CECR2: variants seen among roughly 807,000 people sequenced by gnomAD.
CECR2 encodes CECR2 histone acetyl-lysine reader.
A neutral mutation model predicts 154.5 loss-of-function variants in CECR2; 30 were observed. That is an observed-to-expected ratio of 0.19 (90% confidence interval 0.15 to 0.26). The LOEUF is 0.26. CECR2 is among the 10% of genes least tolerant of loss of function. The pLI is 1.00. For synonymous variants in CECR2, 725 were observed against 683.7 expected (o/e 1.06, Z -0.94); for missense variants, 1,743 against 1,829.3 (o/e 0.95, Z 0.86).
At chr22:17,361,343 C>T (rs2062976167) in intron 1 of CECR2, among the ~76,000 whole-genome samples, 1 of 151,974 alleles carries the variant, frequency 6.6e-6, no homozygotes, top group Non-Finnish European at 1.5e-5. Context: ...AAAAATTAGC[C>T]GGGCTGGTGG....
intron 1 of CECR2, among the ~76,000 whole-genome samples, chr22:17,372,654 C>G (rs1038062676): frequency 2.0e-5 from 3 of 151,878 alleles, no homozygotes; most frequent in Non-Finnish European, 4.4e-5. Flanking sequence ...GGCGACAGGG[C>G]GAGACTCTGT....
At chr22:17,434,663 G>A (rs186469396) in intron 1 of CECR2, among the ~76,000 whole-genome samples, 228 of 138,512 alleles carry the variant, frequency 1.6e-3, no homozygotes, top group Non-Finnish European at 2.7e-3. Context: ...GCTGCTCCCC[G>A]TAGCTAAGCT....
intron 2 of CECR2, among the ~76,000 whole-genome samples, chr22:17,490,143 T>TGTGTGTG (rs1555917174): frequency 4.1e-4 from 49 of 119,412 alleles, no homozygotes; most frequent in African/African-American, 1.6e-3. Flanking sequence ...TTACTGTTTT[T>TGTGTGTG]TTTTTGTGTG....
chr22:17,490,147 T>G (rs5747202), intron 2 of CECR2, among the ~76,000 whole-genome samples: 12,699 of 149,734 alleles, frequency 0.085, 964 homozygotes, highest in African/African-American at 0.2. Flanking sequence ...TGTTTTTTTT[T>G]TGTGTGTGTG....
At chr22:17,369,197 T>C (rs1336422548), upstream of CECR2, among the ~76,000 whole-genome samples, 3 of 151,106 alleles carry the variant, frequency 2.0e-5, no homozygotes, top group Non-Finnish European at 3.0e-5. Flanking sequence ...CTTGGGAAAG[T>C]GCTTCAACTC....
At chr22:17,431,659 A>G (rs1981534) in intron 1 of CECR2, among the ~76,000 whole-genome samples, 79,269 of 151,954 alleles carry the variant, frequency 0.52, 21,088 homozygotes, top group African/African-American at 0.62. Flanking sequence ...TTGAATTTAT[A>G]TTTTGAACAG....
At chr22:17,413,241 TG>T (rs1378874936) in intron 1 of CECR2, among the ~76,000 whole-genome samples, 2 of 152,210 alleles carry the variant, frequency 1.3e-5, no homozygotes, top group Non-Finnish European at 2.9e-5. Flanking sequence ...AGCAGGTTGA[TG>T]GTTCTAACCT....
chr22:17,387,314 A>G (rs186803220), intron 1 of CECR2, among the ~76,000 whole-genome samples: 24 of 152,310 alleles, frequency 1.6e-4, no homozygotes, highest in Admixed American at 9.1e-4. Context: ...AGTAATCTAT[A>G]ACACATCTCG....
Position 17,552,687 on chromosome 22 carries a change from T to G in CECR2, c.4390-148T>G, listed in dbSNP as rs927865342. 4.0e-6 allele frequency: 3 copies of G among 748,092 alleles called. No individual in the cohort carries two copies. The African/African-American group carries it at 5.4e-5, about 13-fold the overall frequency. 46.3% of individuals were successfully genotyped at this position (748,092 alleles called of 1,614,324 possible). A position where few individuals can be genotyped will look rare whatever the true frequency, so the allele number is the denominator to read the frequency against. On this transcript the variant is annotated intron_variant, in intron 18 of 18. Coordinates refer to ENST00000262608, the MANE Select transcript of CECR2 (RefSeq NM_001290047.2). ...TTGAGAAGTCCAGGACTCTAGAACC[T>G]ACCCTCTGGAAGTAAACTGTAACTG... is the stretch of plus-strand genomic sequence containing the variant.
chr22:17,399,424 T>G (rs1304401530), intron 1 of CECR2, among the ~76,000 whole-genome samples: 1 of 151,002 alleles, frequency 6.6e-6, no homozygotes, highest in African/African-American at 2.4e-5. Context: ...TGATTTTTTT[T>G]TTTTTTTTTT....
At chr22:17,383,999 T>C (rs901424958) in intron 1 of CECR2, among the ~76,000 whole-genome samples, 3 of 152,136 alleles carry the variant, frequency 2.0e-5, no homozygotes, top group Non-Finnish European at 2.9e-5. Flanking sequence ...TCTATTTCTT[T>C]TGCTGTATCT....
Position 17,371,533 on chromosome 22 carries a change from A to G in CECR2, c.126+1624A>G, listed in dbSNP as rs561359883. ...GGAAGCTAAAGAGTTGGGAATCCTA[A>G]AGGTCAAAGGATGTTTCTCAGTTAC... is the stretch of plus-strand genomic sequence containing the variant. On this transcript the variant is annotated intron_variant, in intron 1 of 18. Transcript: ENST00000262608. Among the ~76,000 whole-genome samples the G allele has an allele frequency of 7.1e-4, 108 of 152,338 alleles. 2 individuals carry two copies. In the South Asian group the frequency reaches 0.022, roughly 31 times the overall value.
At chr22:17,365,585 A>G (rs1368605411), upstream of CECR2, among the ~76,000 whole-genome samples, 1 of 152,044 alleles carries the variant, frequency 6.6e-6, no homozygotes, top group African/African-American at 2.4e-5. Flanking sequence ...ACACCCAGCT[A>G]CTCGGGAGGC....
intron 13 of CECR2, among the ~76,000 whole-genome samples, chr22:17,539,529 G>A (rs535566063): frequency 1.3e-5 from 2 of 152,260 alleles, no homozygotes; most frequent in South Asian, 4.1e-4. Flanking sequence ...GGGGAAGAGG[G>A]GAGGGATAGC....
intron 1 of CECR2, among the ~76,000 whole-genome samples, chr22:17,426,929 A>G (rs1324471629): frequency 2.0e-5 from 3 of 151,842 alleles, no homozygotes; most frequent in Non-Finnish European, 4.4e-5. Flanking sequence ...GGTTTGTTAT[A>G]TAGGTATACA....
intron 8 of CECR2, among the ~76,000 whole-genome samples, chr22:17,519,991 ATGT>A (rs2056128718): frequency 1.3e-5 from 2 of 151,820 alleles, no homozygotes; most frequent in Admixed American, 1.3e-4. Flanking sequence ...GAGTTTCACC[ATGT>A]TTACCAGGAT....
At chr22:17,467,216 C>T (rs535513426) in intron 1 of CECR2, among the ~76,000 whole-genome samples, 1 of 152,320 alleles carries the variant, frequency 6.6e-6, no homozygotes, top group South Asian at 2.1e-4. Context: ...TTGACCAGAA[C>T]ATTTTCATAA....
At chr22:17,481,342 CAAAAAAAA>C (rs10714119) in intron 2 of CECR2, among the ~76,000 whole-genome samples, 4 of 73,780 alleles carry the variant, frequency 5.4e-5, no homozygotes, top group Admixed American at 3.0e-4. Context: ...GACTCTGTCT[CAAAAAAAA>C]AAAAAAAAAA....
intron 1 of CECR2, among the ~76,000 whole-genome samples, chr22:17,408,301 G>A (rs545739654): frequency 1.0e-4 from 15 of 150,700 alleles, no homozygotes; most frequent in African/African-American, 1.5e-4. Flanking sequence ...GCTCTGGAAA[G>A]AACCCTGGTC....
Sources: gnomAD v4.1 joint callset for allele counts (sites outside exome capture counted in the v4.1 genomes callset) on GRCh38, gnomAD v4.1.1 for gene constraint, MANE v1.5 for transcripts, NCBI Gene and HGNC (gene_info 2026-07-23, HGNC 2026-07-21) for gene names.